POLR2B: variants seen among roughly 807,000 people sequenced by gnomAD.
POLR2B encodes RNA polymerase II subunit B, also known as DNA-directed RNA polymerase II subunit RPB2.
In POLR2B, 57 loss-of-function variants were observed where a neutral mutation model predicts 144.6. That is an observed-to-expected ratio of 0.39 (90% CI 0.32 to 0.49). The LOEUF is 0.49. Among genes scored for constraint, POLR2B ranks in the 20% least tolerant of loss-of-function variants. The pLI, the probability that POLR2B is intolerant of heterozygous loss-of-function variation, is 0.83. For synonymous variants in POLR2B, 442 were observed against 469.8 expected (o/e 0.94, Z 0.77); for missense variants, 595 against 1,467.4 (o/e 0.41, Z 9.71).
At chr4:57,006,329 A>T (rs1723016542) in intron 9 of POLR2B, among the ~76,000 whole-genome samples, 1 of 152,054 alleles carries the variant, frequency 6.6e-6, no homozygotes, top group Non-Finnish European at 1.5e-5. Context: ...ATTGAGATGG[A>T]ATTTCACTCT....
chr4:56,997,422 A>G (rs991393317), intron 6 of POLR2B, among the ~76,000 whole-genome samples: 1 of 152,008 alleles, frequency 6.6e-6, no homozygotes, highest in Non-Finnish European at 1.5e-5. Flanking sequence ...ACACCTGGCT[A>G]ATTTTTGTAT....
chr4:57,010,164 G>C (rs1723143940), intron 10 of POLR2B, 197 bp from the exon 11 acceptor site: 1 of 547,746 alleles, frequency 1.8e-6, no homozygotes, highest in Non-Finnish European at 3.3e-6. Context: ...TATGTGGTAT[G>C]TTTGAATATA....
Position 57,010,510 on chromosome 4 carries a change from A to T in POLR2B, c.1548+6A>T. On this transcript the variant is annotated splice_donor_region_variant and intron_variant, in intron 11 of 24. Coordinates refer to ENST00000314595, the MANE Select transcript of POLR2B (RefSeq NM_000938.3). ...GTCCTGCCGAGACCCCAGAGGTAAT[A>T]CATTAGAATTTACATTCAGGACAAA... The T allele has an allele frequency of 6.2e-7, 1 of 1,606,294 alleles. No homozygotes were observed. The highest frequency in any genetic ancestry group is 8.5e-7 in the Non-Finnish European group (1 of 1,177,066).
chr4:57,028,596 T>C (rs1412460696), intron 23 of POLR2B, among the ~76,000 whole-genome samples: 1 of 152,196 alleles, frequency 6.6e-6, no homozygotes, highest in African/African-American at 2.4e-5. Context: ...CTGCTAGTAA[T>C]GTTTGGTTCT....
Position 56,999,601 on chromosome 4 carries a change from T to C in POLR2B, c.736-16T>C. On this transcript the variant is annotated splice_polypyrimidine_tract_variant and intron_variant, in intron 6 of 24. Coordinates refer to ENST00000314595, the MANE Select transcript of POLR2B (RefSeq NM_000938.3). ...CTTTTGTATATTCATGTTCTAATGA[T>C]ACTTTATTTTTCTAGGGTGCCAAGA... The C allele has an allele frequency of 6.4e-7, 1 of 1,568,708 alleles. No homozygotes were observed. The highest frequency in any genetic ancestry group is 8.7e-7 in the Non-Finnish European group (1 of 1,151,834).
intron 13 of POLR2B, among the ~76,000 whole-genome samples, chr4:57,013,653 T>G (rs1409490269): frequency 6.6e-6 from 1 of 151,924 alleles, no homozygotes; most frequent in African/African-American, 2.4e-5. Context: ...TCCTCCCACC[T>G]CAGGCTCCTA....
chr4:56,983,541 T>C (rs1220635234), intron 1 of POLR2B, among the ~76,000 whole-genome samples: 1 of 151,968 alleles, frequency 6.6e-6, no homozygotes, highest in Non-Finnish European at 1.5e-5. Flanking sequence ...CCTTCTAATT[T>C]TTGTATTTTT....
At chr4:56,993,758 AT>A (rs1722593492) in intron 3 of POLR2B, among the ~76,000 whole-genome samples, 1 of 152,186 alleles carries the variant, frequency 6.6e-6, no homozygotes, top group African/African-American at 2.4e-5. Flanking sequence ...AAATAAAAAA[AT>A]CTTTTTCTTT....
chr4:56,980,563 T>C (rs1022696869), intron 1 of POLR2B, among the ~76,000 whole-genome samples: 1 of 151,860 alleles, frequency 6.6e-6, no homozygotes, highest in African/African-American at 2.4e-5. Context: ...CTATAAGAAA[T>C]AGAAAAATTA....
chr4:57,019,715 T>C (rs1723479430), intron 16 of POLR2B, among the ~76,000 whole-genome samples: 1 of 151,414 alleles, frequency 6.6e-6, no homozygotes. Flanking sequence ...ATCCATATAG[T>C]CAGCAGTCCT....
chr4:57,013,082 C>T (rs1343081115), intron 13 of POLR2B, among the ~76,000 whole-genome samples: 1 of 152,116 alleles, frequency 6.6e-6, no homozygotes, highest in Non-Finnish European at 1.5e-5. Flanking sequence ...CTCAGGTGAT[C>T]CACCTGCCTC....
intron 3 of POLR2B, among the ~76,000 whole-genome samples, chr4:56,993,367 C>G (rs1718882): frequency 0.34 from 51,143 of 151,922 alleles, 8,895 homozygotes; most frequent in East Asian, 0.48. Context: ...CTTAGAATAG[C>G]CTATGATTAA....
intron 1 of POLR2B, chr4:56,985,428 G>GC: frequency 1.0e-6 from 1 of 984,898 alleles, no homozygotes. Flanking sequence ...CCCCCCCGCC[G>GC]CCCCGTGGGG....
chr4:57,007,068 T>G, intron 10 of POLR2B, 66 bp downstream of exon 10: 2 of 1,133,662 alleles, frequency 1.8e-6, no homozygotes, highest in South Asian at 2.8e-5. Flanking sequence ...TAGATTCTTT[T>G]GTTTGTTGAA....
Position 56,998,628 on chromosome 4 carries a change from GA to G in POLR2B, c.736-988del, listed in dbSNP as rs1336534558. 4.6e-5 allele frequency among the ~76,000 whole-genome samples: 7 copies of G among 152,334 alleles called. No individual in the cohort carries two copies. In the East Asian group the frequency reaches 9.6e-4, roughly 21 times the overall value. ...CCGCCTTGGCCTCCCAAAGTGCCGG[GA>G]TTACAGGCATGAGCCACTGTGCCCA... On this transcript the variant is annotated intron_variant, in intron 6 of 24. Coordinates refer to ENST00000314595, the MANE Select transcript of POLR2B (RefSeq NM_000938.3).
intron 23 of POLR2B, 82 bp from the exon 24 acceptor site, chr4:57,030,119 ATAT>A: frequency 9.1e-7 from 1 of 1,101,084 alleles, no homozygotes; most frequent in Non-Finnish European, 1.4e-6. Context: ...GTCTTTGCAA[ATAT>A]TATTCTCCAC....
rs114565701 is a variant in POLR2B, at chr4:57,025,620, T to C, written c.3239+83T>C. 1.4e-3 allele frequency: 1,251 copies of C among 899,736 alleles called. 11 individuals carry two copies. The African/African-American group carries it at 0.019, about 14-fold the overall frequency. The allele number at this position is 899,736 out of a possible 1,614,324, so 55.7% of individuals were successfully genotyped here. On this transcript the variant is annotated intron_variant, in intron 23 of 24. Coordinates refer to ENST00000314595, the MANE Select transcript of POLR2B (RefSeq NM_000938.3). ...ACACACCAAAATGGAGATAGTGGTA[T>C]AGTGAATGCCTGTGTGCCTGTTACC... is the stretch of plus-strand genomic sequence containing the variant.
At position 56,995,572 on chromosome 4, in the gene POLR2B, T is replaced by A. The variant is rs556293797; in HGVS notation, c.735+163T>A. On this transcript the variant is annotated intron_variant, in intron 6 of 24. Transcript: ENST00000314595. ...GTAACAAATTACTCCTCTAGCAACA[T>A]TTATCATCTCACGGCTTCTGTGAGT... Among the ~76,000 whole-genome samples, 15 of 152,368 alleles carry A rather than the reference T, an allele frequency of 9.8e-5. No individual in the cohort carries two copies. In the South Asian group the frequency reaches 2.9e-3, roughly 29 times the overall value.
At chr4:56,994,569 A>C in intron 4 of POLR2B, 53 bp downstream of exon 4, 1 of 1,458,994 alleles carries the variant, frequency 6.9e-7, no homozygotes, top group Non-Finnish European at 9.6e-7. Flanking sequence ...GAATTTTGAA[A>C]ATGTAATTTT....
Sources: gnomAD v4.1 joint callset for allele counts (sites outside exome capture counted in the v4.1 genomes callset) on GRCh38, gnomAD v4.1.1 for gene constraint, MANE v1.5 for transcripts, NCBI Gene and HGNC (gene_info 2026-07-23, HGNC 2026-07-21) for gene names.